Variants in ZNF221 observed in about 807,000 individuals in gnomAD.
The protein encoded by ZNF221 is zinc finger protein 221.
A neutral mutation model predicts 12.6 loss-of-function variants in ZNF221; 10 were observed. The ratio of observed to expected loss-of-function variants is 0.79; its 90% CI spans 0.49 to 1.34. The LOEUF is 1.34. ZNF221 is among the 40% of genes most tolerant of loss of function. The pLI is 0.00. For synonymous variants in ZNF221, 232 were observed against 244.0 expected (o/e 0.95, Z 0.46); for missense variants, 661 against 721.4 (o/e 0.92, Z 0.96).
At chr19:43,963,514 C>T (rs904932503) in intron 2 of ZNF221, among the ~76,000 whole-genome samples, 2 of 152,134 alleles carry the variant, frequency 1.3e-5, no homozygotes, top group African/African-American at 4.8e-5. Flanking sequence ...CTTACTCATA[C>T]CTTGTATGCA....
chr19:43,951,655 T>G (rs549720328), intron 1 of ZNF221, among the ~76,000 whole-genome samples: 1 of 152,202 alleles, frequency 6.6e-6, no homozygotes, highest in Non-Finnish European at 1.5e-5. Flanking sequence ...ATTAAGACCT[T>G]CCTAATAGAA....
At position 43,953,788 on chromosome 19, in the gene ZNF221, G is replaced by A. The variant is rs916486585; in HGVS notation, c.-3+2388G>A. On this transcript the variant is annotated intron_variant, in intron 1 of 4. Transcript: ENST00000587682. ...AACCCAGATCCTCTTACATAAAAAGGATTTACAACTCAGCCAGGCGTGGTG... is the reference window on the plus strand; with the variant it reads ...AACCCAGATCCTCTTACATAAAAAGAATTTACAACTCAGCCAGGCGTGGTG... Among the ~76,000 whole-genome samples, 6 of 152,200 alleles carry A rather than the reference G, an allele frequency of 3.9e-5. 2 individuals are homozygous for A. The highest frequency in any genetic ancestry group is 3.9e-4 in the Admixed American group (6 of 15,276).
At chr19:43,976,373 A>T in the ZNF221 span, among the ~76,000 whole-genome samples, 2 of 152,042 alleles carry the variant, frequency 1.3e-5, no homozygotes, top group African/African-American at 4.8e-5. Flanking sequence ...CCCCGTCTCT[A>T]CTAAAAATAC....
chr19:43,966,332 C>T lies in ZNF221; in HGVS notation c.830C>T (p.Thr277Ile). 4.3e-6 allele frequency: 7 copies of T among 1,614,140 alleles called. No individual in the cohort carries two copies. The highest frequency in any genetic ancestry group is 5.1e-6 in the Non-Finnish European group (6 of 1,180,014). ...SALNVHCKLH[T>I]GEKPYNCEEC... ...CTTAATGTTCATTGCAAATTGCACACAGGAGAGAAACCTTATAATTGTGAG... is the reference window on the plus strand; with the variant it reads ...CTTAATGTTCATTGCAAATTGCACATAGGAGAGAAACCTTATAATTGTGAG... The change falls in exon 5 of 5, where the codon ACA (threonine) becomes ATA (isoleucine). Residue 277 changes from threonine to isoleucine, a missense_variant. Transcript: ENST00000587682.
At chr19:43,969,791 C>T (rs74561531), downstream of ZNF221, among the ~76,000 whole-genome samples, 1,191 of 152,280 alleles carry the variant, frequency 7.8e-3, 13 homozygotes, top group Non-Finnish European at 0.01. Context: ...AGGGGAGTGG[C>T]GACCACTGTC....
downstream of ZNF221, among the ~76,000 whole-genome samples, chr19:43,971,615 T>A (rs1456940302): frequency 2.0e-5 from 3 of 147,300 alleles, no homozygotes; most frequent in Admixed American, 2.1e-4. Flanking sequence ...ATCCTAGTTT[T>A]TGACAAAACA....
chr19:43,981,240 A>G, the ZNF221 span, among the ~76,000 whole-genome samples: 1 of 152,232 alleles, frequency 6.6e-6, no homozygotes, highest in Non-Finnish European at 1.5e-5. Context: ...ATTTAAATAC[A>G]CTTCTTACCA....
chr19:43,974,043 C>G, the ZNF221 span, among the ~76,000 whole-genome samples: 1 of 152,100 alleles, frequency 6.6e-6, no homozygotes, highest in Admixed American at 6.5e-5. Flanking sequence ...AGTACTGGAA[C>G]AAAAACAGAC....
downstream of ZNF221, among the ~76,000 whole-genome samples, chr19:43,969,085 C>T (rs1975040765): frequency 2.0e-5 from 3 of 152,222 alleles, no homozygotes; most frequent in Non-Finnish European, 4.4e-5. Flanking sequence ...CAGCAACATT[C>T]TGTGGGCCCC....
At chr19:43,959,574 C>T (rs115270158) in intron 1 of ZNF221, among the ~76,000 whole-genome samples, 3,107 of 152,252 alleles carry the variant, frequency 0.02, 110 homozygotes, top group African/African-American at 0.072. Flanking sequence ...TCAGTTAGTT[C>T]ATGTGAGATC....
the ZNF221 span, among the ~76,000 whole-genome samples, chr19:43,981,178 T>C: frequency 1.3e-5 from 2 of 152,186 alleles, no homozygotes; most frequent in Non-Finnish European, 2.9e-5. Context: ...ACAGGAAATA[T>C]GCAAAAATGT....
chr19:43,958,856 G>C (rs982637380), intron 1 of ZNF221, among the ~76,000 whole-genome samples: 1 of 152,220 alleles, frequency 6.6e-6, no homozygotes, highest in African/African-American at 2.4e-5. Flanking sequence ...TTTTATCTTA[G>C]ATGCTATCTG....
the ZNF221 span, chr19:43,976,981 C>A: frequency 6.6e-6 from 1 of 152,162 alleles, no homozygotes; most frequent in Non-Finnish European, 1.5e-5. Flanking sequence ...AAGTGTTCAA[C>A]CACAGGAATT....
intron 1 of ZNF221, among the ~76,000 whole-genome samples, chr19:43,952,363 C>T (rs1280158626): frequency 1.3e-5 from 2 of 152,196 alleles, no homozygotes; most frequent in Non-Finnish European, 2.9e-5. Context: ...GACAACAAAG[C>T]TCCACGCGAG....
intron 1 of ZNF221, 57 bp from the exon 2 acceptor site, chr19:43,962,668 C>T (rs949686739): frequency 8.7e-6 from 13 of 1,498,710 alleles, no homozygotes; most frequent in East Asian, 6.8e-5. Context: ...TGTTGGTGGT[C>T]GGCATTCCTA....
chr19:43,964,991 G>A lies in ZNF221; in HGVS notation c.123G>A (p.Glu41=). The A allele has an allele frequency of 1.2e-6, 2 of 1,614,160 alleles. No individual in the cohort carries two copies. Among genetic ancestry groups the A allele is most frequent in the Non-Finnish European group, 1.7e-6 (2 of 1,180,004 alleles). The change falls in exon 3 of 5, where the codon GAG becomes GAA. Residue 41 remains glutamate, a synonymous_variant. Coordinates refer to ENST00000587682, the MANE Select transcript of ZNF221 (RefSeq NM_001297588.2). The part of the protein sequence containing the change: ...TFKDVAVVFT[E]EELGLLDPAQ... ...AGGATGTGGCTGTGGTCTTCACTGA[G>A]GAGGAGCTGGGGCTGCTGGACCCTG...
chr19:43,963,079 T>C (rs1599817115), intron 2 of ZNF221, among the ~76,000 whole-genome samples: 1 of 152,368 alleles, frequency 6.6e-6, no homozygotes, highest in South Asian at 2.1e-4. Flanking sequence ...GCTGTTTTTA[T>C]CTTGTATTCT....
chr19:43,953,703 C>T (rs1278044645), intron 1 of ZNF221, among the ~76,000 whole-genome samples: 1 of 152,080 alleles, frequency 6.6e-6, no homozygotes, highest in African/African-American at 2.4e-5. Context: ...AGTTGTATGC[C>T]AGGAGACATG....
chr19:43,959,372 A>G (rs1320990595), intron 1 of ZNF221, among the ~76,000 whole-genome samples: 2 of 152,128 alleles, frequency 1.3e-5, no homozygotes, highest in Non-Finnish European at 2.9e-5. Context: ...GCTTAGATTC[A>G]CTAAAATTCG....
Sources: allele counts gnomAD v4.1 joint callset (sites outside exome capture counted in the v4.1 genomes callset), GRCh38; gene constraint gnomAD v4.1.1; transcripts MANE v1.5; gene names NCBI Gene and HGNC (gene_info 2026-07-23, HGNC 2026-07-21).